Variants in MAPRE2 observed in about 807,000 individuals in gnomAD.
The protein encoded by MAPRE2 is microtubule-associated protein RP/EB family member 2.
MAPRE2 carries 13 observed loss-of-function variants against 43.2 expected under a neutral mutation model. That is an observed-to-expected ratio of 0.30 (90% confidence interval 0.20 to 0.48). The LOEUF (loss-of-function observed/expected upper bound fraction) is 0.48, where lower values mean the gene tolerates loss of function less well. Among genes scored for constraint, MAPRE2 ranks in the 20% least tolerant of loss-of-function variants. The probability of loss-of-function intolerance (pLI) is 0.99; values close to 1 mark genes in which losing one functional copy is unlikely to be tolerated. For synonymous variants in MAPRE2, 135 were observed against 148.8 expected, an observed-to-expected ratio of 0.91 and a Z score of 0.68; for missense variants, 161 against 400.2, an observed-to-expected ratio of 0.40 and a Z score of 5.10.
intron 2 of MAPRE2, among the ~76,000 whole-genome samples, chr18:35,030,524 A>G (rs1041821926): frequency 6.6e-6 from 1 of 150,542 alleles, no homozygotes; most frequent in African/African-American, 2.5e-5. Context: ...TGAACTAGTT[A>G]CCTCCTGTGA....
chr18:34,985,311 T>TTATTTTATATATATAATATAATATATAA lies in MAPRE2; in HGVS notation c.-70+8235_-70+8236insTTTATATATATAATATAATATATAATAT, dbSNP rs1568961544. ...TATATTATATTATATATTGTATATA[T>TTATTTTATATATATAATATAATATATAA]TATATTATATATATAATATAATATA... On this transcript the variant is annotated intron_variant, in intron 1 of 7. Transcript: ENST00000413393. Among the ~76,000 whole-genome samples, 53 of 39,566 alleles carry TTATTTTATATATATAATATAATATATAA rather than the reference T, an allele frequency of 1.3e-3. 7 individuals are homozygous for TTATTTTATATATATAATATAATATATAA. Among genetic ancestry groups the TTATTTTATATATATAATATAATATATAA allele is most frequent in the African/African-American group, 1.6e-3 (14 of 8,652 alleles). The allele number at this position is 39,566 out of a possible 152,430, so 26.0% of individuals were successfully genotyped here. A position where few individuals can be genotyped will look rare whatever the true frequency, so the allele number is the denominator to read the frequency against.
chr18:34,995,698 A>G (rs1489567725), intron 1 of MAPRE2, among the ~76,000 whole-genome samples: 1 of 152,146 alleles, frequency 6.6e-6, no homozygotes, highest in Non-Finnish European at 1.5e-5. Flanking sequence ...GCTTGGGGGT[A>G]AGGTCTAAGC....
intron 2 of MAPRE2, among the ~76,000 whole-genome samples, chr18:35,014,867 C>T (rs955854337): frequency 6.6e-6 from 1 of 152,084 alleles, no homozygotes; most frequent in African/African-American, 2.4e-5. Context: ...ACCTTTACCA[C>T]GTTGTAAATC....
upstream of MAPRE2, among the ~76,000 whole-genome samples, chr18:35,040,741 G>A (rs2097053253): frequency 6.6e-6 from 1 of 152,174 alleles, no homozygotes; most frequent in African/African-American, 2.4e-5. Flanking sequence ...TAAAATGGTG[G>A]TTATCTTTTT....
intron 4 of MAPRE2, among the ~76,000 whole-genome samples, chr18:35,110,692 T>TA (rs1184179946): frequency 2.0e-5 from 3 of 152,168 alleles, no homozygotes; most frequent in Admixed American, 2.0e-4. Flanking sequence ...CCTTCATTCT[T>TA]AAAGAATATT....
At chr18:35,011,752 CCA>C (rs1050153193) in intron 2 of MAPRE2, among the ~76,000 whole-genome samples, 5 of 152,046 alleles carry the variant, frequency 3.3e-5, no homozygotes, top group African/African-American at 7.2e-5. Flanking sequence ...AGGAAAAAAA[CCA>C]CAGTTACTTT....
intron 5 of MAPRE2, among the ~76,000 whole-genome samples, chr18:35,130,541 A>C (rs2144245798): frequency 6.6e-6 from 1 of 152,286 alleles, no homozygotes; most frequent in South Asian, 2.1e-4. Context: ...AGATGGATAA[A>C]GCATACACAA....
At chr18:35,007,258 A>G (rs2097032289) in intron 2 of MAPRE2, among the ~76,000 whole-genome samples, 1 of 152,106 alleles carries the variant, frequency 6.6e-6, no homozygotes. Flanking sequence ...TTCCTGGAAA[A>G]TAGTCTAGTT....
At chr18:35,139,723 C>T (rs1164894507) in intron 6 of MAPRE2, among the ~76,000 whole-genome samples, 1 of 152,200 alleles carries the variant, frequency 6.6e-6, no homozygotes, top group African/African-American at 2.4e-5. Context: ...ACCTCTAACA[C>T]TGCTGCTCTG....
intron 1 of MAPRE2, among the ~76,000 whole-genome samples, chr18:35,056,425 A>G (rs1365030563): frequency 6.6e-6 from 1 of 152,210 alleles, no homozygotes; most frequent in Non-Finnish European, 1.5e-5. Context: ...TGGAAAGCCA[A>G]AAAAAGAAAA....
intron 3 of MAPRE2, among the ~76,000 whole-genome samples, chr18:35,098,383 T>C (rs1315448610): frequency 6.6e-6 from 1 of 152,064 alleles, no homozygotes; most frequent in Non-Finnish European, 1.5e-5. Context: ...ACAGAGGTAA[T>C]AAATAGGCTA....
At chr18:35,018,709 T>C (rs144470774) in intron 2 of MAPRE2, among the ~76,000 whole-genome samples, 2,441 of 152,052 alleles carry the variant, frequency 0.016, 27 homozygotes, top group African/African-American at 0.026. Flanking sequence ...ATTTTGATCT[T>C]CTTTTTTTCT....
At chr18:35,018,694 T>C (rs967003724) in intron 2 of MAPRE2, among the ~76,000 whole-genome samples, 2 of 151,894 alleles carry the variant, frequency 1.3e-5, no homozygotes, top group African/African-American at 4.8e-5. Flanking sequence ...CTTCCAATTG[T>C]ACTTATTTTG....
At chr18:35,076,127 C>T (rs528612671) in intron 2 of MAPRE2, among the ~76,000 whole-genome samples, 1 of 152,164 alleles carries the variant, frequency 6.6e-6, no homozygotes, top group African/African-American at 2.4e-5. Context: ...TTGAAAGCAA[C>T]CAGCCACATC....
intron 2 of MAPRE2, among the ~76,000 whole-genome samples, chr18:35,090,528 T>C (rs1447176671): frequency 6.6e-6 from 1 of 151,854 alleles, no homozygotes; most frequent in Admixed American, 6.6e-5. Flanking sequence ...GGTCAGGAGT[T>C]TGAGACCAGC....
intron 2 of MAPRE2, among the ~76,000 whole-genome samples, chr18:35,029,994 A>G (rs1368598456): frequency 6.6e-6 from 1 of 152,258 alleles, no homozygotes; most frequent in Non-Finnish European, 1.5e-5. Context: ...AGAAGGTATC[A>G]AAGAAATGGA....
intron 2 of MAPRE2, among the ~76,000 whole-genome samples, chr18:35,090,030 A>C (rs1448631351): frequency 6.6e-6 from 1 of 152,238 alleles, no homozygotes; most frequent in Non-Finnish European, 1.5e-5. Context: ...AAGAAACCAG[A>C]CACAAAGGCC....
chr18:35,038,544 G>C (rs1031454038), upstream of MAPRE2, among the ~76,000 whole-genome samples: 2 of 152,184 alleles, frequency 1.3e-5, no homozygotes, highest in South Asian at 4.1e-4. Context: ...TTTGAGCCTG[G>C]AGACCTGAAG....
rs560226110 is a variant in MAPRE2, at chr18:35,137,355, G to A, written c.910-2940G>A. ...CATAGAAAAGGCCAGCAAACCTGCT[G>A]CCTTGTTGGATGTGTTTGGAAAGGA... On this transcript the variant is annotated intron_variant, in intron 6 of 6. Transcript: ENST00000300249. Among the ~76,000 whole-genome samples the A allele has an allele frequency of 1.1e-4, 16 of 152,330 alleles. 1 individual carries two copies. The highest frequency in any genetic ancestry group is 3.4e-3 in the Middle Eastern group (1 of 294).
Sources: gnomAD v4.1 joint callset for allele counts (sites outside exome capture counted in the v4.1 genomes callset) on GRCh38, gnomAD v4.1.1 for gene constraint, MANE v1.5 for transcripts, NCBI Gene and HGNC (gene_info 2026-07-23, HGNC 2026-07-21) for gene names.